The following CSMD2 variants were observed in gnomAD, a reference collection of about 807,000 sequenced individuals.
The protein encoded by CSMD2 is CUB and sushi domain-containing protein 2.
CSMD2 carries 130 observed loss-of-function variants against 398.5 expected under a neutral mutation model. That is an observed-to-expected ratio of 0.33 (90% CI 0.28 to 0.38). The LOEUF (loss-of-function observed/expected upper bound fraction) is 0.38. CSMD2 is among the 10% of genes least tolerant of loss of function. The pLI is 1.00. For missense variants in CSMD2, 3,829 were observed against 4,764.9 expected (o/e 0.80, Z 5.78); for synonymous variants, 1,828 against 1,908.5 (o/e 0.96, Z 1.10).
chr1:33,571,637 G>C lies in CSMD2; in HGVS notation c.7852C>G (p.Leu2618Val), dbSNP rs769306556. The C allele has an allele frequency of 6.3e-7, 1 of 1,591,438 alleles. No individual in the cohort carries two copies. Among genetic ancestry groups the C allele is most frequent in the African/African-American group, 1.3e-5 (1 of 74,790 alleles). Reference protein sequence around the residue: ...FETQYQFQAQLMLICDPGYYY... With the variant: ...FETQYQFQAQVMLICDPGYYY... Reference sequence around the variant, plus strand: ...TAGCCAGGGTCACAGATGAGCATCAGCTGGGCCTGGAACTGATACTGTGTC... The same window carrying C: ...TAGCCAGGGTCACAGATGAGCATCACCTGGGCCTGGAACTGATACTGTGTC... Residue 2618 changes from leucine to valine, a missense_variant, in exon 51 of 71, where the codon CTG (leucine) becomes GTG (valine). Transcript: ENST00000373381.
At chr1:33,527,065 T>C (rs563257236) in intron 65 of CSMD2, 131 bp downstream of exon 65, 2 of 848,744 alleles carry the variant, frequency 2.4e-6, no homozygotes, top group African/African-American at 1.7e-5. Context: ...GGGAAAGCCA[T>C]CCAGATTTAT....
chr1:33,676,579 T>A (rs555092148), intron 25 of CSMD2, among the ~76,000 whole-genome samples: 25 of 152,288 alleles, frequency 1.6e-4, no homozygotes, highest in Non-Finnish European at 3.1e-4. Flanking sequence ...AAGCTACCAA[T>A]GACTTTCTTC....
At chr1:33,978,946 CAG>C (rs1485016317) in intron 3 of CSMD2, among the ~76,000 whole-genome samples, 8 of 152,144 alleles carry the variant, frequency 5.3e-5, no homozygotes, top group Non-Finnish European at 7.4e-5. Context: ...AACTGACGCA[CAG>C]AGAGTTAAGT....
chr1:33,723,301 GAT>G (rs1174511626), intron 19 of CSMD2, among the ~76,000 whole-genome samples: 4 of 152,326 alleles, frequency 2.6e-5, no homozygotes, highest in South Asian at 2.1e-4. Flanking sequence ...TGAAAACATA[GAT>G]GCCTGGTTTC....
intron 2 of CSMD2, among the ~76,000 whole-genome samples, chr1:34,074,271 G>A (rs907981467): frequency 4.6e-5 from 7 of 152,188 alleles, no homozygotes; most frequent in African/African-American, 1.4e-4. Flanking sequence ...ACCTCCTAAA[G>A]GTGTTGTTGA....
At chr1:33,524,356 T>G (rs1654582227) in intron 66 of CSMD2, among the ~76,000 whole-genome samples, 1 of 152,216 alleles carries the variant, frequency 6.6e-6, no homozygotes, top group African/African-American at 2.4e-5. Flanking sequence ...AGAAATGTAA[T>G]TAATGGGTCC....
At position 33,749,212 on chromosome 1, in the gene CSMD2, C is replaced by T. The variant is rs1268514911; in HGVS notation, c.1847-5606G>A. Among the ~76,000 whole-genome samples the T allele has an allele frequency of 6.1e-5, 9 of 147,544 alleles. No individual in the cohort carries two copies. In the Admixed American group the frequency reaches 6.2e-4, roughly 10 times the overall value. ...CCCCCAGGTTCACGCCATTCTCTTG[C>T]CTCAGCATCCCGAGTAGCTGGGACT... is the stretch of plus-strand genomic sequence containing the variant. On this transcript the variant is annotated intron_variant, in intron 13 of 70. Transcript: ENST00000373381.
At position 33,719,284 on chromosome 1, in the gene CSMD2, A is replaced by G. The variant is rs141204060; in HGVS notation, c.3002-2783T>C. On this transcript the variant is annotated intron_variant, in intron 19 of 70. Transcript: ENST00000373381. The stretch of plus-strand genomic sequence containing the variant: ...CTACCTAGGACATGGAGTTGGGTGG[A>G]GAGCGGGTGAGACCCAGTCACAGGT... Among the ~76,000 whole-genome samples, 4 of 152,324 alleles carry G rather than the reference A, an allele frequency of 2.6e-5. No homozygotes were observed. The East Asian group carries it at 7.7e-4, about 29-fold the overall frequency.
chr1:33,892,305 TAA>T (rs145815982), intron 5 of CSMD2, among the ~76,000 whole-genome samples: 2 of 151,922 alleles, frequency 1.3e-5, no homozygotes, highest in African/African-American at 4.8e-5. Context: ...ATTTTAATCT[TAA>T]AAAAAATTAT....
At chr1:34,125,730 A>G (rs1358224568) in intron 1 of CSMD2, among the ~76,000 whole-genome samples, 4 of 152,190 alleles carry the variant, frequency 2.6e-5, no homozygotes, top group Non-Finnish European at 5.9e-5. Context: ...GTCAGCAGGA[A>G]GAATGTAATT....
At chr1:33,928,351 A>G (rs991338417) in intron 4 of CSMD2, among the ~76,000 whole-genome samples, 26 of 152,210 alleles carry the variant, frequency 1.7e-4, no homozygotes, top group African/African-American at 6.0e-4. Flanking sequence ...GTAATGCAGG[A>G]CCTGGTACTT....
intron 41 of CSMD2, among the ~76,000 whole-genome samples, chr1:33,609,594 T>A (rs1421248549): frequency 6.6e-6 from 1 of 152,212 alleles, no homozygotes; most frequent in East Asian, 1.9e-4. Flanking sequence ...GCCTTACTTG[T>A]AAGGTTTTAA....
intron 5 of CSMD2, among the ~76,000 whole-genome samples, chr1:33,853,077 T>G (rs1638832951): frequency 6.6e-6 from 1 of 152,252 alleles, no homozygotes; most frequent in Non-Finnish European, 1.5e-5. Context: ...GACACAGATG[T>G]AGCTTCAACA....
At position 33,600,952 on chromosome 1, in the gene CSMD2, T is replaced by C. The variant is rs1022740720; in HGVS notation, c.6769A>G (p.Lys2257Glu). The change falls in exon 44 of 71, where the codon AAA (lysine) becomes GAA (glutamate). Residue 2257 changes from lysine (K) to glutamate (E), a missense_variant. Transcript: ENST00000373381. ...TGGTTGGATGAACTCTGCACTGTTTTCTTGGCCATGCTCCGGGTGAAGACG... is the reference window on the plus strand; with the variant it reads ...TGGTTGGATGAACTCTGCACTGTTTCCTTGGCCATGCTCCGGGTGAAGACG... Reference protein sequence around the residue: ...LGVFTRSMAKKTVQSSSNQVL... With the variant: ...LGVFTRSMAKETVQSSSNQVL... The C allele has an allele frequency of 5.6e-6, 9 of 1,614,028 alleles. No individual in the cohort carries two copies. The Admixed American group carries it at 8.3e-5, about 15-fold the overall frequency.
intron 42 of CSMD2, 36 bp from the exon 43 acceptor site, chr1:33,602,582 C>T (rs777573801): frequency 3.5e-5 from 53 of 1,514,976 alleles, no homozygotes; most frequent in Non-Finnish European, 4.3e-5. Context: ...AGTGCAGGGC[C>T]TCGGTACCCA....
chr1:33,533,827 C>A lies in CSMD2; in HGVS notation c.9960G>T (p.Leu3320=). 6.2e-7 allele frequency: 1 copy of A among 1,613,924 alleles called. No individual in the cohort carries two copies. The highest frequency in any genetic ancestry group is 1.1e-5 in the South Asian group (1 of 91,056). ...AGTCAGGTGGGGTTCCACTCCAGGT[C>A]AGGTTTGGGAGGCAGGTCCTGGTGG... ...GSTTRTCLPN[L]TWSGTPPDCV... is the part of the protein sequence containing the mutation. Residue 3320 remains leucine (L), a synonymous_variant, in exon 63 of 71, where the codon CTG becomes CTT. Transcript: ENST00000373381. This position sits in a 1 kb window ranked among gnomAD's most constrained non-coding sequence, Gnocchi z 4.2.
chr1:33,631,252 T>G (rs1486600365), intron 32 of CSMD2, among the ~76,000 whole-genome samples: 1 of 152,154 alleles, frequency 6.6e-6, no homozygotes, highest in Admixed American at 6.5e-5. Context: ...CATAGTACAT[T>G]ATATACATTG....
At chr1:33,769,919 T>A (rs1402483428) in intron 13 of CSMD2, among the ~76,000 whole-genome samples, 1 of 152,238 alleles carries the variant, frequency 6.6e-6, no homozygotes, top group Admixed American at 6.5e-5. Context: ...AGCTTTTGTA[T>A]GTACATTTAT....
intron 13 of CSMD2, among the ~76,000 whole-genome samples, chr1:33,755,680 C>G (rs1648886032): frequency 6.6e-6 from 1 of 152,182 alleles, no homozygotes; most frequent in Admixed American, 6.5e-5. Context: ...AGGGGTCTCA[C>G]TGTCTCTAGG....
Sources: gnomAD v4.1 joint callset for allele counts (sites outside exome capture counted in the v4.1 genomes callset) on GRCh38, gnomAD v4.1.1 for gene constraint, Gnocchi (gnomAD v3.1) non-coding constraint, MANE v1.5 for transcripts, NCBI Gene and HGNC (gene_info 2026-07-23, HGNC 2026-07-21) for gene names.